PAX7: variants seen among roughly 807,000 people sequenced by gnomAD.
PAX7 encodes the protein paired box protein Pax-7.
A neutral mutation model predicts 50.7 loss-of-function variants in PAX7; 18 were observed. The ratio of observed to expected loss-of-function variants is 0.36; its 90% CI spans 0.25 to 0.53. The LOEUF is 0.53. Ranked by LOEUF, PAX7 falls within the 20% of genes least tolerant of loss-of-function variation. PAX7 has a pLI of 0.93. For synonymous variants in PAX7, 310 were observed against 290.4 expected, an observed-to-expected ratio of 1.07 and a Z score of -0.69; for missense variants, 644 against 702.9, an observed-to-expected ratio of 0.92 and a Z score of 0.95.
chr1:18,706,557 G>A (rs888842493), intron 7 of PAX7, among the ~76,000 whole-genome samples: 1 of 149,952 alleles, frequency 6.7e-6, no homozygotes, highest in Non-Finnish European at 1.5e-5. Context: ...CGCCTCCTGG[G>A]TTCAAGCAAT....
At chr1:18,670,424 C>T (rs1004362174) in intron 4 of PAX7, among the ~76,000 whole-genome samples, 12 of 152,142 alleles carry the variant, frequency 7.9e-5, no homozygotes, top group Non-Finnish European at 1.6e-4. Flanking sequence ...GTGCCAAAGA[C>T]ATTCAGTTCC....
chr1:18,677,354 C>A (rs1336439523), intron 4 of PAX7, among the ~76,000 whole-genome samples: 2 of 152,152 alleles, frequency 1.3e-5, no homozygotes, highest in African/African-American at 4.8e-5. Context: ...CATCAGCACT[C>A]CAGGACCGGC....
At chr1:18,665,932 A>G (rs897040290) in intron 4 of PAX7, among the ~76,000 whole-genome samples, 4 of 152,022 alleles carry the variant, frequency 2.6e-5, no homozygotes, top group African/African-American at 4.8e-5. Flanking sequence ...TCAGCCTCCC[A>G]AAGTGCTGGG....
rs570883472 is a variant in PAX7, at chr1:18,690,417, T to G, written c.587-1337T>G. On this transcript the variant is annotated intron_variant, in intron 4 of 8. Coordinates refer to ENST00000420770, the MANE Select transcript of PAX7 (RefSeq NM_001135254.2). ...CCCCAGGGGCTGCTGAGGGGCAGCTTCAGCGCCCCGGCTGGGAGATGCCCT... is the reference window on the plus strand; with the variant it reads ...CCCCAGGGGCTGCTGAGGGGCAGCTGCAGCGCCCCGGCTGGGAGATGCCCT... Among the ~76,000 whole-genome samples the G allele has an allele frequency of 3.0e-3, 455 of 152,338 alleles. 1 individual carries two copies. The highest frequency in any genetic ancestry group is 0.01 in the African/African-American group (429 of 41,588).
chr1:18,631,892 C>T (rs1366637495), intron 1 of PAX7, among the ~76,000 whole-genome samples: 2 of 152,190 alleles, frequency 1.3e-5, no homozygotes, highest in Non-Finnish European at 2.9e-5. Context: ...CACTGCCCGG[C>T]GGCCTTCGTT....
intron 5 of PAX7, among the ~76,000 whole-genome samples, chr1:18,698,454 C>A (rs1359349038): frequency 6.6e-6 from 1 of 152,158 alleles, no homozygotes; most frequent in Non-Finnish European, 1.5e-5. Context: ...CCCTCTTCCC[C>A]CCTTCTCCAT....
Position 18,700,608 on chromosome 1 carries a change from G to C in PAX7, c.787-45G>C. 6.8e-7 allele frequency: 1 copy of C among 1,472,260 alleles called. No individual in the cohort carries two copies. Among genetic ancestry groups the C allele is most frequent in the Non-Finnish European group, 9.0e-7 (1 of 1,110,036 alleles). The allele number at this position is 1,472,260 out of a possible 1,614,324, so 91.2% of individuals were successfully genotyped here. On this transcript the variant is annotated intron_variant, in intron 5 of 8. Coordinates refer to ENST00000420770, the MANE Select transcript of PAX7 (RefSeq NM_001135254.2). This position sits in a 1 kb window ranked among gnomAD's most constrained non-coding sequence, Gnocchi z 4.8. ...CTACATGTGTTGCAGCTCTCTGCCA[G>C]GAACCTGGCCGAGGGGTCTCCATTC... is the stretch of plus-strand genomic sequence containing the variant.
chr1:18,737,546 C>A (rs1011412388), intron 8 of PAX7, among the ~76,000 whole-genome samples: 7 of 152,182 alleles, frequency 4.6e-5, no homozygotes, highest in African/African-American at 1.7e-4. Flanking sequence ...TGTGTGTGTG[C>A]ATGTGATGCT....
chr1:18,671,963 C>A (rs961710823), intron 4 of PAX7, among the ~76,000 whole-genome samples: 4 of 150,872 alleles, frequency 2.7e-5, no homozygotes, highest in Non-Finnish European at 4.4e-5. Context: ...GGTGACAGAA[C>A]AAGACCCTGT....
intron 4 of PAX7, among the ~76,000 whole-genome samples, chr1:18,674,100 C>T (rs1295165390): frequency 6.6e-6 from 1 of 152,296 alleles, no homozygotes; most frequent in African/African-American, 2.4e-5. Flanking sequence ...ACAGATCTGG[C>T]CATATAGGAG....
At chr1:18,711,017 G>T (rs1466669009) in intron 7 of PAX7, among the ~76,000 whole-genome samples, 3 of 152,170 alleles carry the variant, frequency 2.0e-5, no homozygotes, top group African/African-American at 7.2e-5. Flanking sequence ...CCCTTCCTGG[G>T]CGAGTCTCCT....
chr1:18,711,367 A>AC lies in PAX7; in HGVS notation c.1155+8077dup, dbSNP rs1324012506. On this transcript the variant is annotated intron_variant, in intron 7 of 8. Coordinates refer to ENST00000420770, the MANE Select transcript of PAX7 (RefSeq NM_001135254.2). ...AGCTCACTAAATGTGCCCTCGTCACACCCCCCTCACCTGTGCCCTGGCCTC... is the reference window on the plus strand; with the variant it reads ...AGCTCACTAAATGTGCCCTCGTCACACCCCCCCTCACCTGTGCCCTGGCCTC... Among the ~76,000 whole-genome samples the AC allele has an allele frequency of 2.6e-5, 4 of 151,518 alleles. No homozygotes were observed. The South Asian group carries it at 6.3e-4, about 24-fold the overall frequency.
At chr1:18,710,077 G>A (rs576144420) in intron 7 of PAX7, among the ~76,000 whole-genome samples, 1 of 152,224 alleles carries the variant, frequency 6.6e-6, no homozygotes, top group Non-Finnish European at 1.5e-5. Flanking sequence ...AGCAAGAAAA[G>A]ACATTCCATC....
intron 8 of PAX7, among the ~76,000 whole-genome samples, chr1:18,739,738 G>C (rs603090): frequency 0.88 from 133,860 of 152,188 alleles, 59,010 homozygotes; most frequent in Middle Eastern, 0.95. Context: ...TTCTCATCTT[G>C]CCAGGGACAC....
intron 4 of PAX7, among the ~76,000 whole-genome samples, chr1:18,679,532 C>T (rs2088868445): frequency 6.6e-6 from 1 of 152,208 alleles, no homozygotes. Context: ...GAGACCTCTC[C>T]TTAGGCCTCC....
intron 7 of PAX7, among the ~76,000 whole-genome samples, chr1:18,728,122 G>A (rs1293786328): frequency 6.6e-6 from 1 of 152,152 alleles, no homozygotes; most frequent in African/African-American, 2.4e-5. Context: ...CGTGTGTCTG[G>A]GTGTCCCCTG....
chr1:18,668,786 T>A (rs1465820193), intron 4 of PAX7, among the ~76,000 whole-genome samples: 1 of 152,210 alleles, frequency 6.6e-6, no homozygotes, highest in Non-Finnish European at 1.5e-5. Flanking sequence ...TTTGCATGCA[T>A]TCACATAAAC....
At chr1:18,633,518 A>T (rs948975883) in intron 1 of PAX7, among the ~76,000 whole-genome samples, 1 of 152,150 alleles carries the variant, frequency 6.6e-6, no homozygotes, top group Admixed American at 6.5e-5. Flanking sequence ...GGCACAGTTC[A>T]TGGATTTGTG....
intron 4 of PAX7, among the ~76,000 whole-genome samples, chr1:18,643,911 T>A (rs763799135): frequency 6.6e-5 from 10 of 152,158 alleles, no homozygotes; most frequent in Non-Finnish European, 1.3e-4. Flanking sequence ...CCAGCCCGCG[T>A]GCCTGGCGGT....
Sources: gnomAD v4.1 joint callset for allele counts (sites outside exome capture counted in the v4.1 genomes callset) on GRCh38, gnomAD v4.1.1 for gene constraint, Gnocchi (gnomAD v3.1) non-coding constraint, MANE v1.5 for transcripts, NCBI Gene and HGNC (gene_info 2026-07-23, HGNC 2026-07-21) for gene names.